The following GFPT2 variants were observed in gnomAD, a reference collection of about 807,000 sequenced individuals.
The protein encoded by GFPT2 is glutamine--fructose-6-phosphate aminotransferase [isomerizing] 2.
GFPT2 carries 62 observed loss-of-function variants against 85.6 expected under a neutral mutation model. That is an observed-to-expected ratio of 0.72 (90% CI 0.59 to 0.90). The LOEUF (loss-of-function observed/expected upper bound fraction) is 0.90, where lower values mean the gene tolerates loss of function less well. Ranked by LOEUF, GFPT2 falls within the 40% of genes least tolerant of loss-of-function variation. The pLI is 0.00. For missense variants in GFPT2, 788 were observed against 893.4 expected (o/e 0.88, Z 1.50); for synonymous variants, 368 against 344.5 (o/e 1.07, Z -0.75).
At chr5:180,334,391 G>A (rs1473165290) in intron 4 of GFPT2, among the ~76,000 whole-genome samples, 1 of 152,168 alleles carries the variant, frequency 6.6e-6, no homozygotes, top group Non-Finnish European at 1.5e-5. Context: ...GGGTGGTGGG[G>A]GTGCCTGCCC....
At chr5:180,352,955 G>A in intron 1 of GFPT2, 1 of 424,436 alleles carries the variant, frequency 2.4e-6, no homozygotes, top group Non-Finnish European at 4.1e-6. Context: ...ACCGGGCCTC[G>A]GTCCCCCTCA....
At chr5:180,344,517 G>A (rs1245011314) in intron 1 of GFPT2, among the ~76,000 whole-genome samples, 1 of 152,232 alleles carries the variant, frequency 6.6e-6, no homozygotes, top group East Asian at 1.9e-4. Context: ...TGGACCGACT[G>A]TTTGGACAGT....
chr5:180,314,043 G>A, intron 13 of GFPT2, 79 bp from the exon 14 acceptor site: 1 of 1,389,068 alleles, frequency 7.2e-7, no homozygotes, highest in Non-Finnish European at 9.5e-7. Context: ...TTCACCGCCG[G>A]CTCTTACAGG....
At chr5:180,335,246 G>A (rs1207761937) in intron 4 of GFPT2, among the ~76,000 whole-genome samples, 1 of 152,174 alleles carries the variant, frequency 6.6e-6, no homozygotes, top group Non-Finnish European at 1.5e-5. Flanking sequence ...CTGAGTTGAG[G>A]GCTCTCCACC....
At chr5:180,317,208 G>C in intron 10 of GFPT2, 150 bp from the exon 11 acceptor site, 1 of 661,906 alleles carries the variant, frequency 1.5e-6, no homozygotes, top group South Asian at 1.7e-5. Context: ...TACCATCAGA[G>C]GGAAGCAGGT....
Position 180,302,582 on chromosome 5 carries a change from AC to A in GFPT2, c.1844del (p.Gly615ValfsTer35). On this transcript the variant is annotated frameshift_variant and splice_region_variant, in exon 18 of 19. Transcript: ENST00000253778. LOFTEE classifies it high-confidence loss of function. Reference sequence around the variant, plus strand: ...CCTTGGAGCACAGTATAATGGGGCGACCCTAGAGCAGAGAAATAGCATCATA... The same window carrying A: ...CCTTGGAGCACAGTATAATGGGGCGACCTAGAGCAGAGAAATAGCATCATA... Reference protein sequence around the residue: ...NALQQVTARQGRPIILCSKDD... With the variant: ...NALQQVTARQXRPIILCSKDD... 1 of 1,607,758 alleles carries A rather than the reference AC, an allele frequency of 6.2e-7. No homozygotes were observed.
Position 180,324,193 on chromosome 5 carries a change from A to G in GFPT2, c.789T>C (p.Asp263=), listed in dbSNP as rs747202808. ...DKAVEFFFAS[D]ASAIIEHTNR... is the part of the protein sequence containing the mutation. Reference sequence around the variant, plus strand: ...AGAGAAGAAGGCTCAGTTACCTTGCATCAGAAGCAAAGAAGAATTCCACGG... The same window carrying G: ...AGAGAAGAAGGCTCAGTTACCTTGCGTCAGAAGCAAAGAAGAATTCCACGG... Residue 263 remains aspartate (D), a synonymous_variant, in exon 9 of 19, where the codon GAT becomes GAC. Transcript: ENST00000253778. The G allele has an allele frequency of 1.9e-6, 3 of 1,575,662 alleles. No homozygotes were observed.
chr5:180,326,751 T>G (rs778796297), intron 7 of GFPT2, among the ~76,000 whole-genome samples: 3 of 152,188 alleles, frequency 2.0e-5, no homozygotes, highest in Admixed American at 6.5e-5. Flanking sequence ...CCCCCAAATT[T>G]TATTGCTGTA....
rs1374368576 is a variant in GFPT2, at chr5:180,330,817, C to A, written c.417G>T (p.Glu139Asp). ...LRKFLESKGY[E>D]FESETDTETI... ...TCTCTGTATCTGTTTCTGACTCAAA[C>A]TCGTAGCCTTTGCTTTCCTGGAATA... The change falls in exon 6 of 19, where the codon GAG becomes GAT. Residue 139 changes from glutamate (E) to aspartate (D), a missense_variant. Transcript: ENST00000253778. This position sits in a 1 kb window ranked among gnomAD's most constrained non-coding sequence, Gnocchi z 4.4. 2 of 1,613,880 alleles carry A rather than the reference C, an allele frequency of 1.2e-6. No homozygotes were observed. The highest frequency in any genetic ancestry group is 2.7e-5 in the African/African-American group (2 of 74,932).
chr5:180,330,551 G>A lies in GFPT2; in HGVS notation c.534+149C>T, dbSNP rs1764283536. On this transcript the variant is annotated intron_variant, in intron 6 of 18. Transcript: ENST00000253778. This position sits in a 1 kb window ranked among gnomAD's most constrained non-coding sequence, Gnocchi z 4.4. ...CATCTTAAGGCCAGGCTCTGCAGAT[G>A]GGCTGTCTTTTATCCCCAGGACTCT... 4.7e-6 allele frequency: 3 copies of A among 633,846 alleles called. No individual in the cohort carries two copies. Among genetic ancestry groups the A allele is most frequent in the Non-Finnish European group, 8.3e-6 (3 of 363,314 alleles). 39.3% of individuals were successfully genotyped at this position (633,846 alleles called of 1,614,324 possible).
intron 16 of GFPT2, among the ~76,000 whole-genome samples, chr5:180,305,586 C>T (rs1405257047): frequency 2.6e-5 from 4 of 152,194 alleles, no homozygotes; most frequent in South Asian, 2.1e-4. Context: ...AGTCTGGAGG[C>T]GCAGACAGCT....
At chr5:180,303,184 G>C (rs2386853) in intron 17 of GFPT2, among the ~76,000 whole-genome samples, 11 of 146,748 alleles carry the variant, frequency 7.5e-5, no homozygotes, top group Admixed American at 3.4e-4. Flanking sequence ...GAGCCGAGAT[G>C]GCGCCACTGC....
At chr5:180,348,732 CTTT>C (rs11322913) in intron 1 of GFPT2, among the ~76,000 whole-genome samples, 6 of 139,798 alleles carry the variant, frequency 4.3e-5, no homozygotes, top group African/African-American at 5.3e-5. Context: ...CATTTCTTTT[CTTT>C]TTTTTTTTTT....
chr5:180,317,941 A>G (rs76590270), intron 10 of GFPT2, among the ~76,000 whole-genome samples: 3,604 of 151,712 alleles, frequency 0.024, 156 homozygotes, highest in African/African-American at 0.083. Flanking sequence ...CACTCATGAC[A>G]CCAACATCGC....
At chr5:180,305,858 G>C (rs751138764) in intron 16 of GFPT2, among the ~76,000 whole-genome samples, 1 of 152,180 alleles carries the variant, frequency 6.6e-6, no homozygotes, top group South Asian at 2.1e-4. Context: ...CCAGGGGGCA[G>C]GTGCAGGAGA....
At chr5:180,303,183 T>C (rs1219885404) in intron 17 of GFPT2, among the ~76,000 whole-genome samples, 1 of 147,712 alleles carries the variant, frequency 6.8e-6, no homozygotes, top group African/African-American at 2.5e-5. Flanking sequence ...TGAGCCGAGA[T>C]GGCGCCACTG....
intron 4 of GFPT2, among the ~76,000 whole-genome samples, chr5:180,334,461 A>G (rs1045567657): frequency 2.0e-5 from 3 of 152,212 alleles, no homozygotes; most frequent in Non-Finnish European, 4.4e-5. Context: ...GGGGACACCA[A>G]GCAGGCTGGT....
At chr5:180,324,087 A>C (rs1764167319) in intron 9 of GFPT2, 101 bp downstream of exon 9, 2 of 752,094 alleles carry the variant, frequency 2.7e-6, no homozygotes, top group South Asian at 3.3e-5. Context: ...TTGCTGAGCC[A>C]CGATAGCTCA....
At chr5:180,314,736 G>A (rs1763968082) in intron 13 of GFPT2, among the ~76,000 whole-genome samples, 1 of 152,150 alleles carries the variant, frequency 6.6e-6, no homozygotes, top group Non-Finnish European at 1.5e-5. Context: ...TATGGCACTG[G>A]AGTGTCACGG....
Sources: gnomAD v4.1 joint callset for allele counts (sites outside exome capture counted in the v4.1 genomes callset) on GRCh38, gnomAD v4.1.1 for gene constraint, Gnocchi (gnomAD v3.1) non-coding constraint, MANE v1.5 for transcripts, NCBI Gene and HGNC (gene_info 2026-07-23, HGNC 2026-07-21) for gene names.